The following SREBF1 variants were observed in gnomAD, a reference collection of about 807,000 sequenced individuals.
SREBF1 encodes the protein sterol regulatory element binding transcription factor 1.
A neutral mutation model predicts 100.1 loss-of-function variants in SREBF1; 45 were observed. The observed-to-expected ratio is 0.45, with a 90% CI of 0.35 to 0.58. The LOEUF is 0.58. Among genes scored for constraint, SREBF1 ranks in the 20% least tolerant of loss-of-function variants. The pLI is 0.00. For missense variants in SREBF1, 1,324 were observed against 1,539.4 expected, an observed-to-expected ratio of 0.86 and a Z score of 2.34; for synonymous variants, 657 against 681.8, an observed-to-expected ratio of 0.96 and a Z score of 0.57.
rs1296213715 is a variant in SREBF1 at position 17,812,855 on chromosome 17, C to G, written c.3215-4G>C. ...GGCTCCAGCTCCGCCACCGCGCCTGCGCACACGAGGATGTGTCAGGGATGG... is the reference window on the plus strand; with the variant it reads ...GGCTCCAGCTCCGCCACCGCGCCTGGGCACACGAGGATGTGTCAGGGATGG... On this transcript the variant is annotated splice_region_variant and splice_polypyrimidine_tract_variant and intron_variant, in intron 18 of 18. Transcript: ENST00000261646. 6.8e-7 allele frequency: 1 copy of G among 1,473,418 alleles called. No homozygotes were observed. Among genetic ancestry groups the G allele is most frequent in the Non-Finnish European group, 8.9e-7 (1 of 1,121,110 alleles). The allele number at this position is 1,473,418 out of a possible 1,614,324, so 91.3% of individuals were successfully genotyped here.
rs780121769 is a variant in SREBF1 at position 17,817,289 on chromosome 17, G to A, written c.1573C>T (p.Pro525Ser). The A allele has an allele frequency of 2.5e-6, 4 of 1,608,052 alleles. No homozygotes were observed. In the Admixed American group the frequency reaches 6.8e-5, roughly 27 times the overall value. The change falls in exon 8 of 19, where the codon CCT becomes TCT. Residue 525 changes from proline (P) to serine (S), a missense_variant. Coordinates refer to ENST00000261646, the MANE Select transcript of SREBF1 (RefSeq NM_004176.5). This position sits in a 1 kb window ranked among gnomAD's most constrained non-coding sequence, Gnocchi z 6.6. ...PSDTTSVYHS[P>S]GRNVLGTESR... ...TCGGTGCCCAGCACGTTGCGCCCAGGGCTATGGTAGACGCTGGTGGTATCT... is the reference window on the plus strand; with the variant it reads ...TCGGTGCCCAGCACGTTGCGCCCAGAGCTATGGTAGACGCTGGTGGTATCT...
chr17:17,814,515 ACTC>A, intron 15 of SREBF1, 97 bp downstream of exon 15: 2 of 1,535,210 alleles, frequency 1.3e-6, no homozygotes, highest in East Asian at 2.4e-5. Context: ...AAAGGTGGTG[ACTC>A]CTCCTGCACA....
intron 1 of SREBF1, among the ~76,000 whole-genome samples, chr17:17,829,208 ATATATATATATAT>A (rs2034697996): frequency 1.0e-5 from 1 of 95,508 alleles, no homozygotes; most frequent in Non-Finnish European, 1.7e-5. Context: ...AAAAAAAAAT[ATATATATATATAT>A]ATATATATAT....
chr17:17,815,103 G>C, intron 13 of SREBF1, 118 bp downstream of exon 13: 4 of 1,240,696 alleles, frequency 3.2e-6, no homozygotes, highest in Middle Eastern at 2.1e-4. Flanking sequence ...GAGGAATGAA[G>C]CGTGCATGGC....
At chr17:17,821,547 C>T (rs547753739) in intron 1 of SREBF1, among the ~76,000 whole-genome samples, 20 of 152,178 alleles carry the variant, frequency 1.3e-4, no homozygotes, top group Non-Finnish European at 2.4e-4. Context: ...CCTCTGGGCA[C>T]TGAATTTGAC....
intron 1 of SREBF1, among the ~76,000 whole-genome samples, chr17:17,823,905 C>T (rs1187994500): frequency 6.6e-6 from 1 of 152,050 alleles, no homozygotes; most frequent in East Asian, 1.9e-4. Flanking sequence ...GCCTTTAACC[C>T]GCTCGGTGCC....
At chr17:17,816,790 C>A in intron 9 of SREBF1, 72 bp from the exon 10 acceptor site, 1 of 1,570,008 alleles carries the variant, frequency 6.4e-7, no homozygotes, top group Non-Finnish European at 8.6e-7. Context: ...AAGAGCCGTC[C>A]ACAGCAGGCT....
chr17:17,832,658 C>T (rs1157464167), intron 1 of SREBF1, among the ~76,000 whole-genome samples: 5 of 152,150 alleles, frequency 3.3e-5, no homozygotes, highest in Admixed American at 6.5e-5. Flanking sequence ...CAGTGGCTCA[C>T]GCCTGTAATC....
chr17:17,823,239 A>G (rs2143019232), intron 1 of SREBF1, among the ~76,000 whole-genome samples: 1 of 152,258 alleles, frequency 6.6e-6, no homozygotes, highest in Admixed American at 6.5e-5. Context: ...GGTGCAGAGA[A>G]TGTAGAGAAG....
In SREBF1 at chr17:17,816,715, C is replaced by T; in HGVS notation, c.1789G>A (p.Asp597Asn). 4.4e-6 allele frequency: 7 copies of T among 1,578,670 alleles called. No homozygotes were observed. Among genetic ancestry groups the T allele is most frequent in the Non-Finnish European group, 6.0e-6 (7 of 1,163,020 alleles). Residue 597 changes from aspartate (D) to asparagine (N), a missense_variant, in exon 10 of 19, where the codon GAC becomes AAC. Asp to Asn is a conservative substitution (Grantham distance 23). Coordinates refer to ENST00000261646, the MANE Select transcript of SREBF1 (RefSeq NM_004176.5). ...AGCTGCTGGGCAGCCTGGGCAAAGT[C>T]TCCCTGTGGATGAGGGTTTTCCAGG... ...KQADLDLARG[D>N]FAQAAQQLWL...
chr17:17,823,379 G>C (rs916246553), intron 1 of SREBF1: 1 of 746,150 alleles, frequency 1.3e-6, no homozygotes, highest in Non-Finnish European at 2.4e-6. Flanking sequence ...CAGCGAGCTG[G>C]TAACTGTCAC....
Position 17,815,105 on chromosome 17 carries a change from G to A in SREBF1, c.2492+116C>T, listed in dbSNP as rs537926232. 194 of 1,255,922 alleles carry A rather than the reference G, an allele frequency of 1.5e-4. 1 individual carries two copies. In the African/African-American group the frequency reaches 2.2e-3, roughly 14 times the overall value. 77.8% of individuals were successfully genotyped at this position (1,255,922 alleles called of 1,614,324 possible). On this transcript the variant is annotated intron_variant, in intron 13 of 18. Coordinates refer to ENST00000261646, the MANE Select transcript of SREBF1 (RefSeq NM_004176.5). ...GAGGAAACTCAGAGAGGAATGAAGC[G>A]TGCATGGCACGCACGGTAGCCCAGC... is the stretch of plus-strand genomic sequence containing the variant.
In SREBF1 at chr17:17,826,168, C is replaced by T. The variant is rs146406290; in HGVS notation, c.92-5647G>A. Among the ~76,000 whole-genome samples the T allele has an allele frequency of 9.2e-5, 14 of 152,266 alleles. No homozygotes were observed. In the East Asian group the frequency reaches 2.7e-3, roughly 29 times the overall value. ...AACATCCATCACTCAACAGTCTCAACAAAGGTTAGTTCTCTCTACAGCAAT... is the reference window on the plus strand; with the variant it reads ...AACATCCATCACTCAACAGTCTCAATAAAGGTTAGTTCTCTCTACAGCAAT... On this transcript the variant is annotated intron_variant, in intron 1 of 18. Transcript: ENST00000261646.
At chr17:17,833,459 A>G (rs972918631) in intron 1 of SREBF1, among the ~76,000 whole-genome samples, 4 of 128,400 alleles carry the variant, frequency 3.1e-5, no homozygotes, top group Admixed American at 3.1e-4. Flanking sequence ...AAATATATAT[A>G]TATATATATA....
chr17:17,829,257 C>G (rs1169877126), intron 1 of SREBF1, among the ~76,000 whole-genome samples: 2 of 141,140 alleles, frequency 1.4e-5, no homozygotes, highest in Non-Finnish European at 3.0e-5. Context: ...CACACACACA[C>G]TCACACATAC....
intron 9 of SREBF1, 29 bp downstream of exon 9, chr17:17,816,929 T>C: frequency 6.2e-7 from 1 of 1,612,400 alleles, no homozygotes; most frequent in Non-Finnish European, 8.5e-7. Flanking sequence ...GTCCCTGCCC[T>C]GCCCACTCTG....
Position 17,824,685 on chromosome 17 carries a change from G to A in SREBF1, c.92-4164C>T, listed in dbSNP as rs1376603392. 1.3e-5 allele frequency among the ~76,000 whole-genome samples: 2 copies of A among 152,154 alleles called. No individual in the cohort carries two copies. Among genetic ancestry groups the A allele is most frequent in the Admixed American group, 6.5e-5 (1 of 15,284 alleles). ...AGCCTGCCTCTGCCCCAAACTGCAG[G>A]CCAGCGCCTCTGCCTGGTCCACACC... On this transcript the variant is annotated intron_variant, in intron 1 of 18. Coordinates refer to ENST00000261646, the MANE Select transcript of SREBF1 (RefSeq NM_004176.5). This position sits in a 1 kb window ranked among gnomAD's most constrained non-coding sequence, Gnocchi z 4.2.
chr17:17,831,571 C>T (rs2034864433), intron 1 of SREBF1, among the ~76,000 whole-genome samples: 1 of 152,168 alleles, frequency 6.6e-6, no homozygotes, highest in Admixed American at 6.5e-5. Context: ...GGCCAGAACT[C>T]TGTTTCCGTC....
rs570082363 is a variant in SREBF1, at chr17:17,816,873, A to G, written c.1785+85T>C. The G allele has an allele frequency of 2.1e-4, 332 of 1,599,640 alleles. 3 individuals carry two copies. The Middle Eastern group carries it at 2.6e-3, about 13-fold the overall frequency. On this transcript the variant is annotated intron_variant, in intron 9 of 18. Transcript: ENST00000261646. ...GACGGGACAGATTCATGGTGTGCAC[A>G]GGGAGCAGGAACAAGGGTTGACACC...
Sources: gnomAD v4.1 joint callset for allele counts (sites outside exome capture counted in the v4.1 genomes callset) on GRCh38, gnomAD v4.1.1 for gene constraint, Gnocchi (gnomAD v3.1) non-coding constraint, MANE v1.5 for transcripts, NCBI Gene and HGNC (gene_info 2026-07-23, HGNC 2026-07-21) for gene names.